EFHB: variants seen among roughly 807,000 people sequenced by gnomAD.
EFHB encodes the protein EF-hand domain family member B, also known as EF-hand domain-containing family member B.
Under a neutral mutation model 87.2 loss-of-function variants are expected in EFHB, and 91 were observed. The ratio of observed to expected loss-of-function variants is 1.04; its 90% CI spans 0.88 to 1.24. The LOEUF is 1.24. EFHB is among the 50% of genes most tolerant of loss of function. The pLI, the probability that EFHB is intolerant of heterozygous loss-of-function variation, is 0.00. For missense variants in EFHB, 1,084 were observed against 998.8 expected, an observed-to-expected ratio of 1.09 and a Z score of -1.15; for synonymous variants, 325 against 333.6, an observed-to-expected ratio of 0.97 and a Z score of 0.28.
chr3:19,883,193 G>T (rs917093777), intron 11 of EFHB, among the ~76,000 whole-genome samples: 1 of 151,764 alleles, frequency 6.6e-6, no homozygotes, highest in African/African-American at 2.4e-5. Flanking sequence ...CAGAGACAGG[G>T]TCTCACTATG....
At chr3:19,940,854 T>C (rs1696142254) in intron 1 of EFHB, 2 of 372,958 alleles carry the variant, frequency 5.4e-6, no homozygotes, top group Non-Finnish European at 1.1e-5. Flanking sequence ...CTCACCTTCA[T>C]AAACCTGAAT....
upstream of EFHB, among the ~76,000 whole-genome samples, chr3:19,936,672 A>G (rs1056423006): frequency 6.6e-6 from 1 of 152,152 alleles, no homozygotes; most frequent in Non-Finnish European, 1.5e-5. Flanking sequence ...GTTCGAGACC[A>G]GCCTGACCAA....
chr3:19,934,099 CA>C lies in EFHB; in HGVS notation c.-82del. 3 of 1,482,814 alleles carry C rather than the reference CA, an allele frequency of 2.0e-6. No homozygotes were observed. The highest frequency in any genetic ancestry group is 2.7e-6 in the Non-Finnish European group (3 of 1,121,986). The allele number at this position is 1,482,814 out of a possible 1,614,324, so 91.9% of individuals were successfully genotyped here. ...CTGTACCTGGCTACAAAGACGCCTC[CA>C]ATCCCTTGCGGAACCCCTCTCTCAG... is the stretch of plus-strand genomic sequence containing the variant. On this transcript the variant is annotated 5_prime_UTR_variant, in exon 1 of 13. In the 5' UTR this introduces an upstream ATG that the reference lacks. Coordinates refer to ENST00000295824, the MANE Select transcript of EFHB (RefSeq NM_144715.4).
Position 19,888,542 on chromosome 3 carries a change from T to A in EFHB, c.1835A>T (p.Asp612Val). Residue 612 changes from aspartate (D) to valine (V), a missense_variant, in exon 10 of 13, where the codon GAT becomes GTT. By Grantham distance (152) the Asp-to-Val change is radical. Transcript: ENST00000295824. ...LDQLFDYCDV[D>V]NDGFINYLEF... Reference sequence around the variant, plus strand: ...CAGATAGTTAATGAAGCCATCATTATCCACATCACAGTAGTCAAATAGCTG... The same window carrying A: ...CAGATAGTTAATGAAGCCATCATTAACCACATCACAGTAGTCAAATAGCTG... 1 of 1,592,890 alleles carries A rather than the reference T, an allele frequency of 6.3e-7. No individual in the cohort carries two copies. Among genetic ancestry groups the A allele is most frequent in the South Asian group, 1.1e-5 (1 of 87,614 alleles).
upstream of EFHB, among the ~76,000 whole-genome samples, chr3:19,938,835 G>A (rs13081481): frequency 0.24 from 36,850 of 151,938 alleles, 4,537 homozygotes; most frequent in Middle Eastern, 0.29. Flanking sequence ...ACCTTACTGC[G>A]GCCTGTACTA....
At chr3:19,941,733 T>C (rs1232938880) in intron 1 of EFHB, among the ~76,000 whole-genome samples, 1 of 151,350 alleles carries the variant, frequency 6.6e-6, no homozygotes, top group African/African-American at 2.4e-5. Context: ...GGTGCATGCC[T>C]GTAATCCCAG....
intron 1 of EFHB, among the ~76,000 whole-genome samples, chr3:19,926,509 G>A (rs2931406): frequency 0.16 from 25,019 of 151,794 alleles, 2,306 homozygotes; most frequent in African/African-American, 0.24. Context: ...GACTACAGGC[G>A]CCTGCCACCA....
chr3:19,912,664 C>G (rs889223515), intron 5 of EFHB, among the ~76,000 whole-genome samples: 6 of 151,998 alleles, frequency 3.9e-5, no homozygotes, highest in African/African-American at 1.4e-4. Flanking sequence ...AACAACTTTT[C>G]AAGACATAGA....
chr3:19,936,976 C>T (rs1447066133), upstream of EFHB, among the ~76,000 whole-genome samples: 2 of 151,602 alleles, frequency 1.3e-5, no homozygotes, highest in Non-Finnish European at 2.9e-5. Context: ...CGAGACCAGC[C>T]TGGCCAACAT....
rs1694578092 is a variant in EFHB, at chr3:19,898,980, T to C, written c.1503-135A>G. 12 of 773,918 alleles carry C rather than the reference T, an allele frequency of 1.6e-5. No homozygotes were observed. The Admixed American group carries it at 2.0e-4, about 13-fold the overall frequency. The allele number at this position is 773,918 out of a possible 1,614,324, so 47.9% of individuals were successfully genotyped here. ...AACTATGAAGATCAAACAAAAGTTC[T>C]CCAATAGATCTTTTGTCTGATCTTC... On this transcript the variant is annotated intron_variant, in intron 7 of 12. Coordinates refer to ENST00000295824, the MANE Select transcript of EFHB (RefSeq NM_144715.4).
chr3:19,914,546 A>G (rs1695162864), intron 5 of EFHB, among the ~76,000 whole-genome samples: 1 of 152,156 alleles, frequency 6.6e-6, no homozygotes, highest in Admixed American at 6.6e-5. Context: ...TAATAATAAT[A>G]ATAATAATAG....
chr3:19,908,585 AGAGAG>A (rs1694929228), intron 5 of EFHB, among the ~76,000 whole-genome samples: 3 of 123,148 alleles, frequency 2.4e-5, no homozygotes, highest in Middle Eastern at 3.7e-3. Context: ...AGAGAGAGAG[AGAGAG>A]AGAGAGAGAG....
chr3:19,882,585 C>CA lies in EFHB; in HGVS notation c.2292dup (p.Glu765Ter). On this transcript the variant is annotated frameshift_variant, in exon 12 of 13. Transcript: ENST00000295824. LOFTEE classifies it high-confidence loss of function. ...GATCTGGTCTTGAAGAAGTCTCTTT[C>CA]AAACACTCCTTTCCGGGCAAAAATG... The CA allele has an allele frequency of 1.2e-6, 2 of 1,610,550 alleles. No individual in the cohort carries two copies. Among genetic ancestry groups the CA allele is most frequent in the Middle Eastern group, 1.7e-4 (1 of 6,058 alleles).
chr3:19,910,587 C>T (rs1695020056), intron 5 of EFHB, among the ~76,000 whole-genome samples: 2 of 152,088 alleles, frequency 1.3e-5, no homozygotes. Context: ...ATTGTAGAGC[C>T]CCAGGACCTT....
chr3:19,907,545 C>T (rs1694880574), intron 5 of EFHB, among the ~76,000 whole-genome samples: 1 of 152,170 alleles, frequency 6.6e-6, no homozygotes, highest in African/African-American at 2.4e-5. Context: ...CACTTGTTCT[C>T]ACTGAGATTT....
chr3:19,921,243 G>A (rs887563341), intron 1 of EFHB, among the ~76,000 whole-genome samples: 3 of 152,170 alleles, frequency 2.0e-5, no homozygotes, highest in South Asian at 2.1e-4. Flanking sequence ...ATACATACGG[G>A]TAGGTGAAAG....
chr3:19,911,327 C>T (rs1368075208), intron 5 of EFHB, among the ~76,000 whole-genome samples: 5 of 151,912 alleles, frequency 3.3e-5, no homozygotes, highest in African/African-American at 7.3e-5. Context: ...TTTGGGAGGC[C>T]AAGGTGGGTA....
At chr3:19,911,539 C>T (rs115009440) in intron 5 of EFHB, among the ~76,000 whole-genome samples, 1,714 of 152,130 alleles carry the variant, frequency 0.011, 13 homozygotes, top group Non-Finnish European at 0.017. Flanking sequence ...GCCTGAGCAA[C>T]AGAGTGAGAC....
intron 3 of EFHB, among the ~76,000 whole-genome samples, chr3:19,919,275 C>T (rs1385434191): frequency 6.6e-6 from 1 of 151,884 alleles, no homozygotes; most frequent in Non-Finnish European, 1.5e-5. Flanking sequence ...CAGCTCACTG[C>T]AATCTTCACC....
Sources: allele counts gnomAD v4.1 joint callset (sites outside exome capture counted in the v4.1 genomes callset), GRCh38; gene constraint gnomAD v4.1.1; transcripts MANE v1.5; gene names NCBI Gene and HGNC (gene_info 2026-07-23, HGNC 2026-07-21).